EML4: variants seen among roughly 807,000 people sequenced by gnomAD.
EML4 encodes the protein echinoderm microtubule-associated protein-like 4.
A neutral mutation model predicts 129.0 loss-of-function variants in EML4; 72 were observed. The observed-to-expected ratio is 0.56, with a 90% CI of 0.46 to 0.68. The LOEUF is 0.68. Among genes scored for constraint, EML4 ranks in the 30% least tolerant of loss-of-function variants. The pLI is 0.00. For synonymous variants in EML4, 532 were observed against 405.0 expected, an observed-to-expected ratio of 1.31 and a Z score of -3.77; for missense variants, 1,363 against 1,190.6, an observed-to-expected ratio of 1.14 and a Z score of -2.13.
intron 1 of EML4, among the ~76,000 whole-genome samples, chr2:42,228,752 G>T (rs1305078123): frequency 6.6e-6 from 1 of 152,078 alleles, no homozygotes; most frequent in Non-Finnish European, 1.5e-5. Flanking sequence ...GACAAGTGTT[G>T]TATTGTACTT....
At chr2:42,261,962 A>G (rs1406968445) in intron 4 of EML4, among the ~76,000 whole-genome samples, 5 of 152,188 alleles carry the variant, frequency 3.3e-5, no homozygotes, top group African/African-American at 1.2e-4. Flanking sequence ...TGCTGGGAGT[A>G]CAGTGCTACA....
intron 1 of EML4, among the ~76,000 whole-genome samples, chr2:42,225,220 G>T (rs897711998): frequency 6.6e-6 from 1 of 152,006 alleles, no homozygotes; most frequent in African/African-American, 2.4e-5. Flanking sequence ...ATGAACATTG[G>T]TGTATAAAAG....
chr2:42,260,865 A>G (rs1050969809), intron 3 of EML4, among the ~76,000 whole-genome samples: 1 of 152,220 alleles, frequency 6.6e-6, no homozygotes, highest in African/African-American at 2.4e-5. Flanking sequence ...GGCAAAGTTT[A>G]TTAGAGACCA....
chr2:42,303,924 C>T (rs1466218740), intron 16 of EML4, among the ~76,000 whole-genome samples: 3 of 152,088 alleles, frequency 2.0e-5, no homozygotes, highest in Non-Finnish European at 4.4e-5. Flanking sequence ...GACTCCGTCT[C>T]AAAAAATAAA....
At chr2:42,204,344 A>G (rs2103982560) in intron 1 of EML4, among the ~76,000 whole-genome samples, 1 of 152,312 alleles carries the variant, frequency 6.6e-6, no homozygotes, top group East Asian at 1.9e-4. Context: ...TTCAGTACCT[A>G]CAGCTTAATC....
intron 1 of EML4, 79 bp downstream of exon 1, chr2:42,169,715 C>T (rs1227161235): frequency 2.0e-6 from 3 of 1,498,812 alleles, no homozygotes; most frequent in Non-Finnish European, 2.7e-6. Context: ...CAGGCCCTGC[C>T]CTCCCGCCTG....
chr2:42,281,126 G>A (rs1168972443), intron 7 of EML4, among the ~76,000 whole-genome samples, 153 bp downstream of exon 7: 1 of 152,066 alleles, frequency 6.6e-6, no homozygotes, highest in African/African-American at 2.4e-5. Context: ...AGGCGCGGTG[G>A]TTCACGCTGG....
At chr2:42,227,189 A>T (rs911585458) in intron 1 of EML4, among the ~76,000 whole-genome samples, 17 of 152,056 alleles carry the variant, frequency 1.1e-4, no homozygotes, top group African/African-American at 4.1e-4. Context: ...GGCTCACTGC[A>T]GCCTTGACCT....
At chr2:42,180,581 G>A (rs1481443648) in intron 1 of EML4, among the ~76,000 whole-genome samples, 1 of 152,112 alleles carries the variant, frequency 6.6e-6, no homozygotes, top group African/African-American at 2.4e-5. Flanking sequence ...TAGCCCAAGA[G>A]GTGATGAAAG....
chr2:42,325,048 G>C (rs1348056859), intron 19 of EML4, among the ~76,000 whole-genome samples: 1 of 152,156 alleles, frequency 6.6e-6, no homozygotes, highest in Non-Finnish European at 1.5e-5. Context: ...GGATAATTCA[G>C]AAGTAGCCCA....
At chr2:42,269,349 G>T (rs967082296) in intron 6 of EML4, among the ~76,000 whole-genome samples, 57 of 152,066 alleles carry the variant, frequency 3.7e-4, no homozygotes, top group Non-Finnish European at 7.1e-4. Context: ...GTTCTGATGT[G>T]TTTCTTTATT....
At chr2:42,329,682 G>A in intron 22 of EML4, 52 bp from the exon 23 acceptor site, 7 of 1,463,352 alleles carry the variant, frequency 4.8e-6, no homozygotes, top group South Asian at 1.2e-5. Flanking sequence ...TCTGAAACAG[G>A]CATGTCAAGA....
rs1248523696 is a variant in EML4 at position 42,295,527 on chromosome 2, C to T, written c.1489+11C>T. On this transcript the variant is annotated intron_variant, in intron 13 of 22. Coordinates refer to ENST00000318522, the MANE Select transcript of EML4 (RefSeq NM_019063.5). ...GGAAAGGACCTAAAGGTACAGTATT[C>T]TTATATTAAACTCATTTCTGGTAAT... 6 of 1,605,842 alleles carry T rather than the reference C, an allele frequency of 3.7e-6. No homozygotes were observed. Among genetic ancestry groups the T allele is most frequent in the Middle Eastern group, 1.7e-4 (1 of 6,002 alleles).
At chr2:42,316,166 A>G in intron 18 of EML4, 116 bp downstream of exon 18, 3 of 591,348 alleles carry the variant, frequency 5.1e-6, no homozygotes, top group South Asian at 2.9e-5. Flanking sequence ...GTTGTTAAGT[A>G]TTAAATCTGT....
At chr2:42,201,938 C>A (rs539424838) in intron 1 of EML4, among the ~76,000 whole-genome samples, 1 of 152,226 alleles carries the variant, frequency 6.6e-6, no homozygotes, top group African/African-American at 2.4e-5. Context: ...AAAAAATTAG[C>A]CGGGTGTGGT....
At chr2:42,256,408 A>T in intron 2 of EML4, 93 bp from the exon 3 acceptor site, 1 of 1,259,820 alleles carries the variant, frequency 7.9e-7, no homozygotes, top group East Asian at 2.6e-5. Flanking sequence ...TTTTTCTACC[A>T]CCCCCTCCTT....
chr2:42,236,153 T>C (rs999270185), intron 1 of EML4, among the ~76,000 whole-genome samples: 1 of 152,230 alleles, frequency 6.6e-6, no homozygotes, highest in East Asian at 1.9e-4. Context: ...TTCTAAACAT[T>C]GTATTATTTA....
At chr2:42,194,217 G>C (rs1336500235) in intron 1 of EML4, among the ~76,000 whole-genome samples, 1 of 151,946 alleles carries the variant, frequency 6.6e-6, no homozygotes, top group East Asian at 1.9e-4. Flanking sequence ...AGGAAATCAA[G>C]TCCTTTTAAA....
intron 17 of EML4, among the ~76,000 whole-genome samples, chr2:42,313,440 T>C (rs1226485266): frequency 6.6e-6 from 1 of 152,168 alleles, no homozygotes; most frequent in Admixed American, 6.5e-5. Flanking sequence ...TTTGACTCTT[T>C]GTAGACAAGG....
Sources: gnomAD v4.1 joint callset for allele counts (sites outside exome capture counted in the v4.1 genomes callset) on GRCh38, gnomAD v4.1.1 for gene constraint, MANE v1.5 for transcripts, NCBI Gene and HGNC (gene_info 2026-07-23, HGNC 2026-07-21) for gene names.